Variants in TRIM68 observed in about 807,000 individuals in gnomAD.
TRIM68 encodes E3 ubiquitin-protein ligase TRIM68.
Under a neutral mutation model 41.9 loss-of-function variants are expected in TRIM68, and 36 were observed. The observed-to-expected ratio is 0.86, with a 90% CI of 0.66 to 1.14. TRIM68 has a LOEUF of 1.14. Among genes scored for constraint, TRIM68 ranks in the 50% most tolerant of loss-of-function variants. The probability of loss-of-function intolerance (pLI) is 0.00; values close to 1 mark genes in which losing one functional copy is unlikely to be tolerated. For synonymous variants in TRIM68, 225 were observed against 224.6 expected, an observed-to-expected ratio of 1.00 and a Z score of -0.02; for missense variants, 632 against 605.1, an observed-to-expected ratio of 1.04 and a Z score of -0.47.
rs767783347 is a variant in TRIM68, at chr11:4,600,473, G to A, written c.1261C>T (p.Arg421Cys). 6.2e-6 allele frequency: 10 copies of A among 1,613,414 alleles called. No individual in the cohort carries two copies. Among genetic ancestry groups the A allele is most frequent in the South Asian group, 2.2e-5 (2 of 90,942 alleles). Reference sequence around the variant, plus strand: ...TAATCCACGAAGATTCCCACCCGGCGAGGAGGGACCGGCAAGGACAGGATT... The same window carrying A: ...TAATCCACGAAGATTCCCACCCGGCAAGGAGGGACCGGCAAGGACAGGATT... ...YPILSLPVPPRRVGIFVDYEA... is the reference protein window; with the variant it reads ...YPILSLPVPPCRVGIFVDYEA... Residue 421 changes from arginine (R) to cysteine (C), a missense_variant, in exon 7 of 7, where the codon CGC becomes TGC. Transcript: ENST00000300747.
At chr11:4,603,475 G>T in intron 2 of TRIM68, 135 bp from the exon 3 acceptor site, 1 of 716,020 alleles carries the variant, frequency 1.4e-6, no homozygotes, top group Non-Finnish European at 2.3e-6. Context: ...TGCCACAGAG[G>T]AAGCAGACTC....
Position 4,602,013 on chromosome 11 carries a change from T to A in TRIM68, c.783+139A>T. ...GCCAGGGATAGGGAAACAGCAGGTA[T>A]TAGCTGGGGAAACACAGGATCCATG... On this transcript the variant is annotated intron_variant, in intron 4 of 6. Transcript: ENST00000300747. 7.1e-6 allele frequency: 9 copies of A among 1,259,140 alleles called. No individual in the cohort carries two copies. In the South Asian group the frequency reaches 1.3e-4, roughly 18 times the overall value. 78.0% of individuals were successfully genotyped at this position (1,259,140 alleles called of 1,614,324 possible).
chr11:4,603,947 A>T (rs1589849607), intron 2 of TRIM68, among the ~76,000 whole-genome samples: 1 of 152,166 alleles, frequency 6.6e-6, no homozygotes, highest in East Asian at 1.9e-4. Context: ...AAAATATATC[A>T]AGTGTCAGGT....
intron 1 of TRIM68, among the ~76,000 whole-genome samples, chr11:4,607,129 T>TTCA (rs1224880826): frequency 6.6e-6 from 1 of 152,210 alleles, no homozygotes; most frequent in Non-Finnish European, 1.5e-5. Flanking sequence ...CCCTCGTCCA[T>TTCA]TCAATCTACC....
chr11:4,603,774 A>G (rs1846528459), intron 2 of TRIM68, among the ~76,000 whole-genome samples: 3 of 152,190 alleles, frequency 2.0e-5, no homozygotes, highest in Non-Finnish European at 4.4e-5. Context: ...CTACCAAATG[A>G]GAATCTCAAT....
At position 4,598,725 on chromosome 11, in the gene TRIM68, A is replaced by G. The variant is rs1846432744; in HGVS notation, c.*1551T>C. 1 of 152,254 alleles carries G rather than the reference A, an allele frequency of 6.6e-6. No homozygotes were observed. Among genetic ancestry groups the G allele is most frequent in the Admixed American group, 6.5e-5 (1 of 15,290 alleles). 9.4% of individuals were successfully genotyped at this position (152,254 alleles called of 1,614,324 possible). On this transcript the variant is annotated 3_prime_UTR_variant, in exon 7 of 7. Coordinates refer to ENST00000300747, the MANE Select transcript of TRIM68 (RefSeq NM_018073.8). ...CAGTTTGGCCTATTTTAACTCCTACATACATGAACAGCCAATACAATTAAA... is the reference window on the plus strand; with the variant it reads ...CAGTTTGGCCTATTTTAACTCCTACGTACATGAACAGCCAATACAATTAAA...
chr11:4,604,295 G>A (rs1005912124), intron 2 of TRIM68, among the ~76,000 whole-genome samples: 14 of 152,184 alleles, frequency 9.2e-5, no homozygotes, highest in Admixed American at 2.6e-4. Context: ...CTGGATCACT[G>A]GATCACAGAA....
chr11:4,602,471 C>T, intron 3 of TRIM68, 59 bp from the exon 4 acceptor site: 2 of 1,591,908 alleles, frequency 1.3e-6, no homozygotes. Flanking sequence ...ATCGAGCATA[C>T]TGACATATGC....
intron 5 of TRIM68, 194 bp downstream of exon 5, chr11:4,601,470 G>T: frequency 1.6e-6 from 1 of 618,282 alleles, no homozygotes; most frequent in East Asian, 2.7e-5. Flanking sequence ...ATATACATTT[G>T]ATCAAGTACA....
At position 4,602,160 on chromosome 11, in the gene TRIM68, T is replaced by C; in HGVS notation, c.775A>G (p.Met259Val). 4 of 1,614,152 alleles carry C rather than the reference T, an allele frequency of 2.5e-6. No individual in the cohort carries two copies. The highest frequency in any genetic ancestry group is 1.1e-5 in the South Asian group (1 of 91,080). ...GAAAACCTACTACTCACCTGCAACA[T>C]CCAGCGGACAGGCCTCTGCGACCTC... ...KERSQRPVRW[M>V]LQDIQEVLNR... is the part of the protein sequence containing the mutation. Residue 259 changes from methionine (M) to valine (V), a missense_variant, in exon 4 of 7, where the codon ATG (methionine) becomes GTG (valine). Coordinates refer to ENST00000300747, the MANE Select transcript of TRIM68 (RefSeq NM_018073.8).
chr11:4,603,221 T>C (rs760129376), intron 3 of TRIM68, 24 bp downstream of exon 3: 2 of 1,611,816 alleles, frequency 1.2e-6, no homozygotes, highest in Non-Finnish European at 8.5e-7. Flanking sequence ...TGACACAAAC[T>C]CCTTTCCCCA....
Position 4,600,541 on chromosome 11 carries a change from A to G in TRIM68, c.1193T>C (p.Leu398Pro). 1.2e-6 allele frequency: 2 copies of G among 1,614,094 alleles called. No homozygotes were observed. Among genetic ancestry groups the G allele is most frequent in the Non-Finnish European group, 1.7e-6 (2 of 1,180,010 alleles). Residue 398 changes from leucine (L) to proline (P), a missense_variant, in exon 7 of 7, where the codon CTG becomes CCG. Coordinates refer to ENST00000300747, the MANE Select transcript of TRIM68 (RefSeq NM_018073.8). ...SPHYGFWVIR[L>P]RKGNEYRAGT... is the part of the protein sequence containing the mutation. ...TGCTCGGTACTCATTTCCCTTCCTCAGCCTTATCACCCAGAATCCATAGTG... is the reference window on the plus strand; with the variant it reads ...TGCTCGGTACTCATTTCCCTTCCTCGGCCTTATCACCCAGAATCCATAGTG...
intron 2 of TRIM68, among the ~76,000 whole-genome samples, chr11:4,604,307 C>T (rs1282011348): frequency 4.6e-5 from 7 of 152,190 alleles, no homozygotes; most frequent in Non-Finnish European, 1.0e-4. Context: ...ATCACAGAAT[C>T]ACTGAGATAA....
intron 1 of TRIM68, among the ~76,000 whole-genome samples, chr11:4,606,933 C>A (rs548575126): frequency 3.3e-5 from 5 of 152,298 alleles, no homozygotes; most frequent in Admixed American, 1.3e-4. Context: ...AGACTCCCTG[C>A]CTCCTGCTTT....
At position 4,600,506 on chromosome 11, in the gene TRIM68, C is replaced by T. The variant is rs758048269; in HGVS notation, c.1228G>A (p.Glu410Lys). The change falls in exon 7 of 7, where the codon GAG becomes AAG. Residue 410 changes from glutamate to lysine, a missense_variant. By Grantham distance (56) the Glu-to-Lys change is moderately conservative. Coordinates refer to ENST00000300747, the MANE Select transcript of TRIM68 (RefSeq NM_018073.8). ...KGNEYRAGTD[E>K]YPILSLPVPP... ...ACCGGCAAGGACAGGATTGGGTACTCATCGGTGCCTGCTCGGTACTCATTT... is the reference window on the plus strand; with the variant it reads ...ACCGGCAAGGACAGGATTGGGTACTTATCGGTGCCTGCTCGGTACTCATTT... 1 of 1,613,802 alleles carries T rather than the reference C, an allele frequency of 6.2e-7. No individual in the cohort carries two copies. Among genetic ancestry groups the T allele is most frequent in the Admixed American group, 1.7e-5 (1 of 59,994 alleles).
rs1182006399 is a variant in TRIM68 at position 4,601,663 on chromosome 11, C to A, written c.806+1G>T. 1 of 1,613,884 alleles carries A rather than the reference C, an allele frequency of 6.2e-7. No individual in the cohort carries two copies. The highest frequency in any genetic ancestry group is 1.3e-5 in the African/African-American group (1 of 74,860). ...TAGAGGCTCCAAGGGTGAGAACATACCTGTTTAACACTTCCTGAATATCCT... is the reference window on the plus strand; with the variant it reads ...TAGAGGCTCCAAGGGTGAGAACATAACTGTTTAACACTTCCTGAATATCCT... On this transcript the variant is annotated splice_donor_variant, in intron 5 of 6. Transcript: ENST00000300747. LOFTEE classifies it high-confidence loss of function.
chr11:4,601,673 A>G lies in TRIM68; in HGVS notation c.797T>C (p.Val266Ala). Residue 266 changes from valine to alanine, a missense_variant, in exon 5 of 7, where the codon GTG (valine) becomes GCG (alanine). Physicochemically the swap from Val to Ala is moderately conservative, Grantham distance 64. Coordinates refer to ENST00000300747, the MANE Select transcript of TRIM68 (RefSeq NM_018073.8). ...AAGGGTGAGAACATACCTGTTTAACACTTCCTGAATATCCTGGAAGGAGAA... is the reference window on the plus strand; with the variant it reads ...AAGGGTGAGAACATACCTGTTTAACGCTTCCTGAATATCCTGGAAGGAGAA... Reference protein sequence around the residue: ...VRWMLQDIQEVLNRSKSWSLQ... With the variant: ...VRWMLQDIQEALNRSKSWSLQ... The G allele has an allele frequency of 6.2e-7, 1 of 1,614,116 alleles. No individual in the cohort carries two copies. Among genetic ancestry groups the G allele is most frequent in the Non-Finnish European group, 8.5e-7 (1 of 1,179,994 alleles).
chr11:4,604,996 G>C (rs1253115737), intron 2 of TRIM68, 83 bp downstream of exon 2: 9 of 1,469,670 alleles, frequency 6.1e-6, no homozygotes, highest in Middle Eastern at 2.0e-4. Context: ...CTCAGTCTGT[G>C]GTGCTGGTGG....
chr11:4,601,592 C>G, intron 5 of TRIM68, 72 bp downstream of exon 5: 1 of 1,552,952 alleles, frequency 6.4e-7, no homozygotes, highest in Non-Finnish European at 8.9e-7. Flanking sequence ...TGCTCCGTCC[C>G]TACTTCTGGC....
Sources: gnomAD v4.1 joint callset for allele counts (sites outside exome capture counted in the v4.1 genomes callset) on GRCh38, gnomAD v4.1.1 for gene constraint, MANE v1.5 for transcripts, NCBI Gene and HGNC (gene_info 2026-07-23, HGNC 2026-07-21) for gene names.